Variants in IL1RAPL1 observed in about 807,000 individuals in gnomAD.
IL1RAPL1 encodes interleukin-1 receptor accessory protein-like 1.
A neutral mutation model predicts 48.4 loss-of-function variants in IL1RAPL1; 3 were observed. The observed-to-expected ratio is 0.06, with a 90% CI of 0.03 to 0.16. The LOEUF is 0.16. Ranked by LOEUF, IL1RAPL1 falls within the 10% of genes least tolerant of loss-of-function variation. The pLI is 1.00. For synonymous variants in IL1RAPL1, 185 were observed against 187.7 expected (o/e 0.99, Z 0.12); for missense variants, 349 against 530.6 (o/e 0.66, Z 3.36).
At chrX:29,821,467 T>A (rs199669832) in intron 6 of IL1RAPL1, among the ~76,000 whole-genome samples, 2 of 44,306 alleles carry the variant, frequency 4.5e-5, no homozygotes, top group Admixed American at 1.8e-4. Context: ...AAAAATAAAA[T>A]AAAAATAAAA....
chrX:28,899,619 C>T (rs1923023500), intron 2 of IL1RAPL1, among the ~76,000 whole-genome samples: 1 of 112,382 alleles, frequency 8.9e-6, no homozygotes. Context: ...CTTCCAAGAT[C>T]ACATCCCATT....
intron 1 of IL1RAPL1, among the ~76,000 whole-genome samples, chrX:28,777,643 A>T: frequency 9.0e-6 from 1 of 111,436 alleles, no homozygotes; most frequent in Non-Finnish European, 1.9e-5. Flanking sequence ...GAGCTCTTTT[A>T]TAAAAGGTAA....
At chrX:29,452,127 T>C (rs1470227435) in intron 5 of IL1RAPL1, among the ~76,000 whole-genome samples, 5 of 112,396 alleles carry the variant, frequency 4.4e-5, no homozygotes, top group Non-Finnish European at 9.4e-5. Flanking sequence ...ATCTAAAGTC[T>C]ATCATTTCTA....
Position 28,835,393 on chromosome X carries a change from A to G in IL1RAPL1, c.82+45968A>G, listed in dbSNP as rs190828199. Among the ~76,000 whole-genome samples the G allele has an allele frequency of 2.2e-4, 24 of 111,308 alleles. 1 individual carries two copies. The highest frequency in any genetic ancestry group is 2.1e-3 in the Admixed American group (22 of 10,391). Reference sequence around the variant, plus strand: ...AGAGATTTCCAGGCTGTGTGAGGGAATAGTACAATGCAAGGAAAGAATGGC... The same window carrying G: ...AGAGATTTCCAGGCTGTGTGAGGGAGTAGTACAATGCAAGGAAAGAATGGC... On this transcript the variant is annotated intron_variant, in intron 2 of 10. Coordinates refer to ENST00000378993, the MANE Select transcript of IL1RAPL1 (RefSeq NM_014271.4).
At chrX:29,406,197 G>A (rs2143168) in intron 5 of IL1RAPL1, among the ~76,000 whole-genome samples, 40,442 of 110,108 alleles carry the variant, frequency 0.37, 6,104 homozygotes, top group Admixed American at 0.53. Context: ...AGACCATCCT[G>A]GCTAACATGG....
At chrX:29,236,703 C>T (rs1931313030) in intron 2 of IL1RAPL1, among the ~76,000 whole-genome samples, 2 of 103,285 alleles carry the variant, frequency 1.9e-5, no homozygotes, top group African/African-American at 7.0e-5. Flanking sequence ...GCTGGGACTA[C>T]AGGCGCCCAC....
At chrX:28,772,789 G>C (rs1051749874) in intron 1 of IL1RAPL1, among the ~76,000 whole-genome samples, 3 of 111,414 alleles carry the variant, frequency 2.7e-5, no homozygotes, top group African/African-American at 9.8e-5. Flanking sequence ...GTACATACAT[G>C]AACAATTTAT....
At chrX:28,682,633 T>G (rs1005523341) in intron 1 of IL1RAPL1, among the ~76,000 whole-genome samples, 1 of 111,836 alleles carries the variant, frequency 8.9e-6, no homozygotes, top group Non-Finnish European at 1.9e-5. Context: ...ATCTTATCCA[T>G]AGAACTTGTG....
At chrX:28,727,040 T>G (rs1935685192) in intron 1 of IL1RAPL1, among the ~76,000 whole-genome samples, 1 of 111,977 alleles carries the variant, frequency 8.9e-6, no homozygotes, top group Non-Finnish European at 1.9e-5. Context: ...CCCCAGTCTC[T>G]TAATAAAAAT....
chrX:28,589,943 G>C lies in IL1RAPL1; in HGVS notation c.-25+1896G>C, dbSNP rs774515286. 2.7e-5 allele frequency among the ~76,000 whole-genome samples: 3 copies of C among 112,048 alleles called. No homozygotes were observed. The South Asian group carries it at 1.1e-3, about 42-fold the overall frequency. On this transcript the variant is annotated intron_variant, in intron 1 of 10. Coordinates refer to ENST00000378993, the MANE Select transcript of IL1RAPL1 (RefSeq NM_014271.4). The stretch of plus-strand genomic sequence containing the variant: ...TATTAACACAAATCCCAGAAAAAAA[G>C]AGCAATCCATGTTCAAGTTTCACTT...
chrX:29,186,184 T>A (rs1257470892), intron 2 of IL1RAPL1, among the ~76,000 whole-genome samples: 1 of 112,016 alleles, frequency 8.9e-6, no homozygotes, highest in East Asian at 2.8e-4. Context: ...TAAAAATGAA[T>A]GATGATCATA....
chrX:28,889,873 A>T (rs979142467), intron 2 of IL1RAPL1, among the ~76,000 whole-genome samples: 4 of 111,024 alleles, frequency 3.6e-5, no homozygotes, highest in East Asian at 5.7e-4. Flanking sequence ...GGCATCTATT[A>T]TGCTACTTTC....
At chrX:29,193,517 C>T (rs952975503) in intron 2 of IL1RAPL1, among the ~76,000 whole-genome samples, 3 of 110,668 alleles carry the variant, frequency 2.7e-5, no homozygotes, top group Non-Finnish European at 5.7e-5. Flanking sequence ...ATTTCTCCCC[C>T]AATACATCGT....
intron 2 of IL1RAPL1, among the ~76,000 whole-genome samples, chrX:29,099,582 C>A (rs1928289912): frequency 1.8e-5 from 2 of 111,936 alleles, no homozygotes; most frequent in Admixed American, 1.9e-4. Context: ...CCAAGTCTGT[C>A]TCATGCTACA....
chrX:29,688,672 G>A (rs1055008814), intron 6 of IL1RAPL1, among the ~76,000 whole-genome samples: 1 of 110,321 alleles, frequency 9.1e-6, no homozygotes, highest in Non-Finnish European at 1.9e-5. Context: ...AAGTTCATGA[G>A]ATTATAAACA....
chrX:29,124,896 A>G (rs1928869216), intron 2 of IL1RAPL1, among the ~76,000 whole-genome samples: 1 of 112,055 alleles, frequency 8.9e-6, no homozygotes, highest in Admixed American at 9.5e-5. Flanking sequence ...GGAATAGTGT[A>G]TTGTTCACTA....
At chrX:28,814,341 TTGTGTGTGTGTGTG>T (rs753090480) in intron 2 of IL1RAPL1, among the ~76,000 whole-genome samples, 6 of 89,749 alleles carry the variant, frequency 6.7e-5, no homozygotes, top group Non-Finnish European at 8.8e-5. Context: ...ATTTTCAGGT[TTGTGTGTGTGTGTG>T]TGTGTGTGTG....
rs747323328 is a variant in IL1RAPL1 at position 29,312,293 on chromosome X, G to A, written c.362+29076G>A. ...CATCTGTACTAAAAGTACAAAAAAA[G>A]AAAAAAATTAGCTGGGCGTGGTGGT... On this transcript the variant is annotated intron_variant, in intron 3 of 10. Transcript: ENST00000378993. 4.0e-3 allele frequency among the ~76,000 whole-genome samples: 444 copies of A among 111,024 alleles called. 1 individual carries two copies. The highest frequency in any genetic ancestry group is 0.018 in the Middle Eastern group (4 of 218).
At chrX:29,319,093 A>G (rs1452489804) in intron 3 of IL1RAPL1, among the ~76,000 whole-genome samples, 2 of 110,529 alleles carry the variant, frequency 1.8e-5, no homozygotes, top group Admixed American at 9.8e-5. Context: ...TATATTCCAC[A>G]TATAATCCAT....
Sources: allele counts gnomAD v4.1 joint callset (sites outside exome capture counted in the v4.1 genomes callset), GRCh38; gene constraint gnomAD v4.1.1; transcripts MANE v1.5; gene names NCBI Gene and HGNC (gene_info 2026-07-23, HGNC 2026-07-21).